The following BACH2 variants were observed in gnomAD, a reference collection of about 807,000 sequenced individuals.
BACH2 encodes the protein BACH transcriptional regulator 2.
In BACH2, 5 loss-of-function variants were observed where a neutral mutation model predicts 61.8. The observed-to-expected ratio is 0.08, with a 90% confidence interval of 0.04 to 0.17. The LOEUF is 0.17. Ranked by LOEUF, BACH2 falls within the 10% of genes least tolerant of loss-of-function variation. The pLI is 1.00. For missense variants in BACH2, 824 were observed against 1,091.1 expected, an observed-to-expected ratio of 0.76 and a Z score of 3.45; for synonymous variants, 446 against 440.1, an observed-to-expected ratio of 1.01 and a Z score of -0.17.
chr6:90,027,264 T>C (rs1026904916), intron 5 of BACH2, among the ~76,000 whole-genome samples: 2 of 152,136 alleles, frequency 1.3e-5, no homozygotes, highest in African/African-American at 4.8e-5. Flanking sequence ...AGAAAAAGAA[T>C]GTGCTTGGAG....
intron 5 of BACH2, among the ~76,000 whole-genome samples, chr6:90,037,799 T>A (rs903026276): frequency 6.6e-6 from 1 of 152,210 alleles, no homozygotes. Flanking sequence ...GATGGGGTCA[T>A]ACTGGAGTAG....
chr6:90,238,424 G>C (rs565517756), intron 3 of BACH2, among the ~76,000 whole-genome samples: 1 of 152,112 alleles, frequency 6.6e-6, no homozygotes, highest in Admixed American at 6.5e-5. Flanking sequence ...TACAGATAGC[G>C]CAACTGCTGA....
At chr6:90,170,898 G>A (rs1313865539) in intron 4 of BACH2, among the ~76,000 whole-genome samples, 2 of 152,138 alleles carry the variant, frequency 1.3e-5, no homozygotes, top group African/African-American at 4.8e-5. Flanking sequence ...AGAACCTAGA[G>A]AAGTAAGTAG....
chr6:90,129,336 T>C (rs1784000522), intron 4 of BACH2, among the ~76,000 whole-genome samples: 2 of 152,120 alleles, frequency 1.3e-5, no homozygotes, highest in African/African-American at 4.8e-5. Flanking sequence ...CATATTTCTT[T>C]TTCTTCTAAA....
chr6:90,241,610 A>G (rs1457847875), intron 3 of BACH2, among the ~76,000 whole-genome samples: 3 of 152,230 alleles, frequency 2.0e-5, no homozygotes, highest in Non-Finnish European at 4.4e-5. Context: ...GTCAAAAGCA[A>G]GGTAGGAGAC....
intron 5 of BACH2, among the ~76,000 whole-genome samples, chr6:90,059,053 C>T (rs1227393529): frequency 1.3e-5 from 2 of 152,172 alleles, no homozygotes; most frequent in African/African-American, 2.4e-5. Flanking sequence ...CCATTCAGGA[C>T]ACAGGCATGG....
intron 4 of BACH2, among the ~76,000 whole-genome samples, chr6:90,136,850 T>A (rs1383981452): frequency 5.3e-5 from 8 of 151,972 alleles, no homozygotes; most frequent in African/African-American, 1.9e-4. Flanking sequence ...TTCTTTTTTT[T>A]TTTTTAAATC....
chr6:90,087,728 T>G (rs1056040597), intron 5 of BACH2, among the ~76,000 whole-genome samples: 4 of 78,840 alleles, frequency 5.1e-5, no homozygotes, highest in Non-Finnish European at 1.1e-4. Flanking sequence ...CATGTGTGTG[T>G]TTTTTTTTTA....
intron 4 of BACH2, among the ~76,000 whole-genome samples, chr6:90,187,946 G>A (rs1768417880): frequency 6.6e-6 from 1 of 152,180 alleles, no homozygotes; most frequent in South Asian, 2.1e-4. Context: ...AAGAGCACAA[G>A]TGCCCCAGTG....
intron 6 of BACH2, among the ~76,000 whole-genome samples, chr6:89,996,022 C>A (rs982479223): frequency 2.0e-5 from 3 of 152,200 alleles, no homozygotes; most frequent in African/African-American, 7.2e-5. Context: ...TCAGCCCCTG[C>A]CCCTTTTTTT....
intron 4 of BACH2, among the ~76,000 whole-genome samples, chr6:90,178,481 C>T (rs1398754202): frequency 1.3e-5 from 2 of 152,170 alleles, no homozygotes; most frequent in African/African-American, 4.8e-5. Flanking sequence ...AGTAATAGTG[C>T]GTAAACGCTA....
chr6:89,981,619 G>T (rs895590199), intron 6 of BACH2, among the ~76,000 whole-genome samples: 4 of 152,120 alleles, frequency 2.6e-5, no homozygotes, highest in African/African-American at 9.7e-5. Context: ...AAAATAAAAA[G>T]ATCAGAAAAG....
chr6:90,149,853 C>T (rs1784751545), intron 4 of BACH2, among the ~76,000 whole-genome samples: 1 of 152,202 alleles, frequency 6.6e-6, no homozygotes, highest in Non-Finnish European at 1.5e-5. Flanking sequence ...TGAGCTGCTG[C>T]TATCCTGGCT....
chr6:90,286,759 G>A (rs1229932900), intron 1 of BACH2, among the ~76,000 whole-genome samples: 1 of 151,720 alleles, frequency 6.6e-6, no homozygotes, highest in Non-Finnish European at 1.5e-5. Flanking sequence ...TCTTACTTTG[G>A]CATAAAGTAT....
chr6:90,152,251 A>G (rs1784848476), intron 4 of BACH2, among the ~76,000 whole-genome samples: 1 of 152,252 alleles, frequency 6.6e-6, no homozygotes, highest in Non-Finnish European at 1.5e-5. Flanking sequence ...TCTAGCGATA[A>G]GCATCTTGTA....
At chr6:90,296,249 A>C (rs1772378547) in intron 1 of BACH2, among the ~76,000 whole-genome samples, 2 of 151,894 alleles carry the variant, frequency 1.3e-5, no homozygotes, top group South Asian at 2.1e-4. Flanking sequence ...GAGAGCACAC[A>C]TTCGGCGCGG....
chr6:90,093,448 T>C (rs1436132348), intron 4 of BACH2, among the ~76,000 whole-genome samples: 4 of 152,220 alleles, frequency 2.6e-5, no homozygotes, highest in African/African-American at 9.6e-5. Flanking sequence ...TCTGTAATGA[T>C]GGAAATATTC....
chr6:90,097,766 C>A (rs1641890406), intron 4 of BACH2, among the ~76,000 whole-genome samples: 1 of 152,136 alleles, frequency 6.6e-6, no homozygotes, highest in South Asian at 2.1e-4. Context: ...CACCACTATC[C>A]ATCCAATACA....
chr6:90,239,898 C>T (rs770852698), intron 3 of BACH2, among the ~76,000 whole-genome samples: 2 of 151,430 alleles, frequency 1.3e-5, no homozygotes, highest in East Asian at 1.9e-4. Flanking sequence ...ATTAAAACCA[C>T]ATACAAGAAT....
Sources: allele counts gnomAD v4.1 joint callset (sites outside exome capture counted in the v4.1 genomes callset), GRCh38; gene constraint gnomAD v4.1.1; transcripts MANE v1.5; gene names NCBI Gene and HGNC (gene_info 2026-07-23, HGNC 2026-07-21).